MOB1B: variants seen among roughly 807,000 people sequenced by gnomAD.
The protein encoded by MOB1B is MOB1 Mps One Binder homolog B.
A neutral mutation model predicts 24.4 loss-of-function variants in MOB1B; 19 were observed. The observed-to-expected ratio is 0.78, with a 90% confidence interval of 0.54 to 1.14. MOB1B has a LOEUF of 1.14. Among genes scored for constraint, MOB1B ranks in the 50% most tolerant of loss-of-function variants. The pLI is 0.00. For synonymous variants in MOB1B, 76 were observed against 82.1 expected (o/e 0.93, Z 0.40); for missense variants, 243 against 259.6 (o/e 0.94, Z 0.44).
At position 70,902,458 on chromosome 4, in the gene MOB1B, C is replaced by T. The variant is rs1560622589; in HGVS notation, c.-79C>T. ...CCGCCTCCCTGTCTCCTGTTCCATT[C>T]GCCTTTCCTCTTCTTTCCTGGCCCA... On this transcript the variant is annotated 5_prime_UTR_variant, in exon 1 of 6. Transcript: ENST00000309395. 1.4e-6 allele frequency: 2 copies of T among 1,477,630 alleles called. No homozygotes were observed. Among genetic ancestry groups the T allele is most frequent in the South Asian group, 1.2e-5 (1 of 82,716 alleles). The allele number at this position is 1,477,630 out of a possible 1,614,324, so 91.5% of individuals were successfully genotyped here.
At chr4:70,938,868 C>A (rs1737204493) in intron 1 of MOB1B, among the ~76,000 whole-genome samples, 1 of 151,646 alleles carries the variant, frequency 6.6e-6, no homozygotes, top group South Asian at 2.1e-4. Context: ...GCCTCTACCT[C>A]CCGGGTGCAA....
At chr4:70,913,670 C>G (rs1039597670) in intron 1 of MOB1B, among the ~76,000 whole-genome samples, 4 of 151,946 alleles carry the variant, frequency 2.6e-5, no homozygotes, top group African/African-American at 9.7e-5. Flanking sequence ...AACTTTGATC[C>G]TTTGATTAAT....
intron 1 of MOB1B, among the ~76,000 whole-genome samples, chr4:70,904,630 G>A (rs796887031): frequency 6.6e-6 from 1 of 151,866 alleles, no homozygotes; most frequent in Non-Finnish European, 1.5e-5. Context: ...AAGGTGGCAC[G>A]CACCTGTAGT....
intron 1 of MOB1B, among the ~76,000 whole-genome samples, chr4:70,934,910 A>G (rs1306724597): frequency 6.6e-6 from 1 of 151,658 alleles, no homozygotes; most frequent in Non-Finnish European, 1.5e-5. Context: ...TAATTAAAAA[A>G]ATTATTTTTA....
intron 2 of MOB1B, among the ~76,000 whole-genome samples, chr4:70,960,183 G>A (rs540929579): frequency 6.6e-6 from 1 of 152,028 alleles, no homozygotes; most frequent in Admixed American, 6.6e-5. Flanking sequence ...CGCCCGGCCA[G>A]TTGTGCTTAT....
At chr4:70,944,328 C>T (rs1737482275) in intron 1 of MOB1B, among the ~76,000 whole-genome samples, 1 of 152,208 alleles carries the variant, frequency 6.6e-6, no homozygotes, top group Non-Finnish European at 1.5e-5. Context: ...AGCCGCTGCA[C>T]CCGGCCTCTA....
intron 1 of MOB1B, among the ~76,000 whole-genome samples, chr4:70,951,906 A>G (rs1046285838): frequency 2.0e-5 from 3 of 152,228 alleles, no homozygotes; most frequent in Non-Finnish European, 4.4e-5. Flanking sequence ...CTCCATAGTT[A>G]TGATGCTGTG....
chr4:70,903,541 C>T (rs888014937), intron 1 of MOB1B, among the ~76,000 whole-genome samples: 35 of 152,154 alleles, frequency 2.3e-4, no homozygotes, highest in Admixed American at 2.0e-3. Context: ...CATGTTTAGT[C>T]TGTGTTTAGA....
intron 1 of MOB1B, 52 bp from the exon 2 acceptor site, chr4:70,958,822 T>C: frequency 6.7e-7 from 1 of 1,489,394 alleles, no homozygotes; most frequent in Non-Finnish European, 9.3e-7. Context: ...ATGACTCTAT[T>C]GAATGTCATG....
chr4:70,926,724 G>A (rs975141212), intron 1 of MOB1B, among the ~76,000 whole-genome samples: 8 of 152,114 alleles, frequency 5.3e-5, no homozygotes, highest in African/African-American at 1.9e-4. Flanking sequence ...TAAACAAGAT[G>A]TGCCGGGCGC....
At chr4:70,903,104 C>T (rs1182825048) in intron 1 of MOB1B, among the ~76,000 whole-genome samples, 1 of 152,182 alleles carries the variant, frequency 6.6e-6, no homozygotes, top group Admixed American at 6.5e-5. Context: ...AGGCTACTTG[C>T]GGGTCGGGAT....
intron 1 of MOB1B, among the ~76,000 whole-genome samples, chr4:70,948,078 C>T (rs1458538995): frequency 1.3e-5 from 2 of 152,154 alleles, no homozygotes; most frequent in African/African-American, 4.8e-5. Context: ...GGTCTATCAT[C>T]TAATTCATGT....
At chr4:70,975,696 C>T (rs1738954600) in intron 4 of MOB1B, 1 of 961,946 alleles carries the variant, frequency 1.0e-6, no homozygotes, top group Non-Finnish European at 1.2e-6. Flanking sequence ...ACTTACTTCC[C>T]TGAAGTAAGG....
intron 1 of MOB1B, among the ~76,000 whole-genome samples, chr4:70,926,020 C>T (rs936822649): frequency 1.3e-5 from 2 of 152,172 alleles, no homozygotes; most frequent in African/African-American, 4.8e-5. Flanking sequence ...CAGGATCTCA[C>T]TCTGTCACCG....
chr4:70,955,588 A>G (rs1023296156), intron 1 of MOB1B, among the ~76,000 whole-genome samples: 6 of 147,918 alleles, frequency 4.1e-5, no homozygotes, highest in African/African-American at 1.5e-4. Context: ...CTCCTGCCTC[A>G]GCCTCCAGAG....
At chr4:70,902,262 G>A (rs1735536766), upstream of MOB1B, 1 of 564,724 alleles carries the variant, frequency 1.8e-6, no homozygotes, top group Admixed American at 3.1e-5. Context: ...GGGGGCGGCG[G>A]GGAGCTGGGG....
intron 1 of MOB1B, among the ~76,000 whole-genome samples, chr4:70,912,824 G>T: frequency 6.6e-6 from 1 of 152,202 alleles, no homozygotes; most frequent in South Asian, 2.1e-4. Context: ...GCAGTGGCCC[G>T]ATCTCGACTC....
chr4:70,908,113 C>T (rs1735822780), intron 1 of MOB1B, among the ~76,000 whole-genome samples: 1 of 151,518 alleles, frequency 6.6e-6, no homozygotes, highest in Non-Finnish European at 1.5e-5. Context: ...GCAACCTCCA[C>T]CTCCCGGGTT....
chr4:70,912,067 T>C (rs1736008248), intron 1 of MOB1B, among the ~76,000 whole-genome samples: 2 of 151,720 alleles, frequency 1.3e-5, no homozygotes, highest in African/African-American at 4.8e-5. Flanking sequence ...GAGCTAAGTT[T>C]TGTATTTTTA....
Sources: gnomAD v4.1 joint callset for allele counts (sites outside exome capture counted in the v4.1 genomes callset) on GRCh38, gnomAD v4.1.1 for gene constraint, MANE v1.5 for transcripts, NCBI Gene and HGNC (gene_info 2026-07-23, HGNC 2026-07-21) for gene names.